Variants in CCBE1 observed in about 807,000 individuals in gnomAD.
CCBE1 encodes collagen and calcium binding EGF domains 1, also known as collagen and calcium-binding EGF domain-containing protein 1.
A neutral mutation model predicts 50.0 loss-of-function variants in CCBE1; 37 were observed. The observed-to-expected ratio is 0.74, with a 90% CI of 0.57 to 0.97. The LOEUF (loss-of-function observed/expected upper bound fraction) is 0.97. Among genes scored for constraint, CCBE1 ranks in the 50% least tolerant of loss-of-function variants. CCBE1 has a pLI of 0.00. For synonymous variants in CCBE1, 234 were observed against 203.7 expected (o/e 1.15, Z -1.27); for missense variants, 538 against 523.8 (o/e 1.03, Z -0.26).
intron 2 of CCBE1, among the ~76,000 whole-genome samples, chr18:59,653,752 G>T (rs1208302066): frequency 6.6e-6 from 1 of 152,188 alleles, no homozygotes; most frequent in South Asian, 2.1e-4. Context: ...ACCAGGCACA[G>T]CACTGTTTTT....
At chr18:59,623,661 A>G (rs181364436) in intron 2 of CCBE1, among the ~76,000 whole-genome samples, 109 of 152,298 alleles carry the variant, frequency 7.2e-4, no homozygotes, top group African/African-American at 2.6e-3. Flanking sequence ...CCCTTGCTAC[A>G]GATCAGTACA....
intron 2 of CCBE1, among the ~76,000 whole-genome samples, chr18:59,654,006 C>T (rs1286624266): frequency 6.6e-6 from 1 of 152,006 alleles, no homozygotes; most frequent in Non-Finnish European, 1.5e-5. Context: ...TAAAATATCA[C>T]ATTAGAGACA....
At chr18:59,570,576 A>T (rs1006798151) in intron 2 of CCBE1, among the ~76,000 whole-genome samples, 9 of 152,082 alleles carry the variant, frequency 5.9e-5, no homozygotes, top group African/African-American at 2.2e-4. Context: ...TGTTACCAGG[A>T]TCCCTGAGAT....
chr18:59,503,416 C>T (rs746206155), intron 2 of CCBE1, among the ~76,000 whole-genome samples: 2 of 152,230 alleles, frequency 1.3e-5, no homozygotes, highest in Non-Finnish European at 2.9e-5. Context: ...GGCAACATGG[C>T]CTGGTCACAC....
chr18:59,452,600 A>G (rs931418119), intron 6 of CCBE1, among the ~76,000 whole-genome samples: 1 of 152,138 alleles, frequency 6.6e-6, no homozygotes, highest in Non-Finnish European at 1.5e-5. Context: ...CTCAAAACAA[A>G]ACAAAAACAA....
intron 2 of CCBE1, among the ~76,000 whole-genome samples, chr18:59,482,134 G>C (rs7230253): frequency 0.018 from 2,713 of 152,268 alleles, 72 homozygotes; most frequent in African/African-American, 0.062. Flanking sequence ...ACTTACGAGT[G>C]AGAACACGCG....
chr18:59,662,812 A>C (rs922678102), intron 2 of CCBE1, among the ~76,000 whole-genome samples: 1 of 152,236 alleles, frequency 6.6e-6, no homozygotes, highest in Non-Finnish European at 1.5e-5. Context: ...TGCTTTATAC[A>C]TTCTAAAATC....
At chr18:59,502,823 C>G (rs1162679268) in intron 2 of CCBE1, among the ~76,000 whole-genome samples, 1 of 152,208 alleles carries the variant, frequency 6.6e-6, no homozygotes, top group Non-Finnish European at 1.5e-5. Context: ...CCACTTAAAT[C>G]AAACAGTCCT....
intron 2 of CCBE1, among the ~76,000 whole-genome samples, chr18:59,658,380 T>A (rs1340644150): frequency 7.5e-4 from 13 of 17,398 alleles, no homozygotes; most frequent in Non-Finnish European, 9.4e-4. Flanking sequence ...TATATATATA[T>A]ATATATATAT....
intron 2 of CCBE1, among the ~76,000 whole-genome samples, chr18:59,683,548 AT>A (rs1439273943): frequency 1.3e-5 from 2 of 151,924 alleles, no homozygotes; most frequent in Admixed American, 6.6e-5. Flanking sequence ...ATACAAAAAA[AT>A]TAGCCAGGAG....
chr18:59,449,209 T>C (rs1211843888), intron 6 of CCBE1, among the ~76,000 whole-genome samples: 1 of 152,154 alleles, frequency 6.6e-6, no homozygotes. Context: ...AACCTGGATT[T>C]CCTCATCTAT....
At chr18:59,697,510 G>C, upstream of CCBE1, 1 of 863,208 alleles carries the variant, frequency 1.2e-6, no homozygotes, top group Non-Finnish European at 1.7e-6. Context: ...TGGGGCTGGG[G>C]GGAAAATGAG....
chr18:59,590,045 T>G (rs2053240054), intron 2 of CCBE1, among the ~76,000 whole-genome samples: 1 of 152,156 alleles, frequency 6.6e-6, no homozygotes, highest in Admixed American at 6.5e-5. Context: ...AATCCTAAAG[T>G]CAGCATCTTT....
intron 2 of CCBE1, among the ~76,000 whole-genome samples, chr18:59,534,108 C>CTG (rs35698570): frequency 0.28 from 42,175 of 151,930 alleles, 6,017 homozygotes; most frequent in African/African-American, 0.33. Flanking sequence ...ACATGGAAGA[C>CTG]TATAGATTAC....
chr18:59,591,026 C>CCT (rs2053258730), intron 2 of CCBE1, among the ~76,000 whole-genome samples: 1 of 33,034 alleles, frequency 3.0e-5, no homozygotes, highest in Admixed American at 3.0e-4. Context: ...GGGTGGATCA[C>CCT]GAGGTCAGGA....
intron 9 of CCBE1, 132 bp downstream of exon 9, chr18:59,439,411 G>C: frequency 8.9e-7 from 1 of 1,117,416 alleles, no homozygotes; most frequent in Non-Finnish European, 1.4e-6. Flanking sequence ...AGGCTGTAAT[G>C]AGCCAAGATT....
At chr18:59,558,586 A>G (rs923904222) in intron 2 of CCBE1, among the ~76,000 whole-genome samples, 3 of 152,220 alleles carry the variant, frequency 2.0e-5, no homozygotes, top group East Asian at 1.9e-4. Context: ...TAAAAGGTAT[A>G]ACTGCCCTGC....
At chr18:59,665,806 G>T (rs542966742) in intron 2 of CCBE1, among the ~76,000 whole-genome samples, 3 of 152,184 alleles carry the variant, frequency 2.0e-5, no homozygotes, top group Non-Finnish European at 4.4e-5. Context: ...GGTCTAGTGC[G>T]TCTGTGTTTG....
chr18:59,504,384 CTTT>C (rs10551471), intron 2 of CCBE1, among the ~76,000 whole-genome samples: 163 of 143,126 alleles, frequency 1.1e-3, no homozygotes, highest in Middle Eastern at 7.1e-3. Flanking sequence ...GAATGTCTTC[CTTT>C]TTTTTTTTTT....
Sources: gnomAD v4.1 joint callset for allele counts (sites outside exome capture counted in the v4.1 genomes callset) on GRCh38, gnomAD v4.1.1 for gene constraint, MANE v1.5 for transcripts, NCBI Gene and HGNC (gene_info 2026-07-23, HGNC 2026-07-21) for gene names.